HPGDS: variants seen among roughly 807,000 people sequenced by gnomAD.
The protein encoded by HPGDS is GST class-sigma.
In HPGDS, 26 loss-of-function variants were observed where a neutral mutation model predicts 23.1. That is an observed-to-expected ratio of 1.13 (90% confidence interval 0.83 to 1.56). HPGDS has a LOEUF of 1.56. Ranked by LOEUF, HPGDS falls within the 40% of genes most tolerant of loss-of-function variation. The pLI is 0.00. For missense variants in HPGDS, 268 were observed against 236.4 expected, an observed-to-expected ratio of 1.13 and a Z score of -0.88; for synonymous variants, 95 against 77.9, an observed-to-expected ratio of 1.22 and a Z score of -1.16.
intron 3 of HPGDS, among the ~76,000 whole-genome samples, chr4:94,313,671 T>C (rs368078262): frequency 1.3e-5 from 2 of 152,050 alleles, no homozygotes; most frequent in Admixed American, 6.6e-5. Flanking sequence ...TTTCCTGAAT[T>C]TGAATGTTGG....
chr4:94,324,933 A>G (rs1579443228), intron 2 of HPGDS, among the ~76,000 whole-genome samples: 1 of 152,036 alleles, frequency 6.6e-6, no homozygotes, highest in Admixed American at 6.5e-5. Flanking sequence ...TGACCTACAG[A>G]TTGGGTTTTG....
Position 94,302,153 on chromosome 4 carries a change from C to T in HPGDS, c.428G>A (p.Gly143Asp). Residue 143 changes from glycine (G) to aspartate (D), a missense_variant, in exon 5 of 6, where the codon GGT (glycine) becomes GAT (aspartate). Transcript: ENST00000295256. ...TYLGGREWLI[G>D]NSVTWADFYW... The stretch of plus-strand genomic sequence containing the variant: ...GATATAAAACATACTCACAGAGTTA[C>T]CAATAAGCCATTCTCTCCCCCCTAA... The T allele has an allele frequency of 1.2e-6, 2 of 1,601,708 alleles. No homozygotes were observed. The highest frequency in any genetic ancestry group is 1.7e-4 in the Middle Eastern group (1 of 6,032).
chr4:94,310,579 G>A (rs1343719196), intron 3 of HPGDS, among the ~76,000 whole-genome samples: 1 of 152,188 alleles, frequency 6.6e-6, no homozygotes, highest in Non-Finnish European at 1.5e-5. Flanking sequence ...GATGCTTCCA[G>A]CCTTGTTCTT....
intron 3 of HPGDS, among the ~76,000 whole-genome samples, chr4:94,315,436 A>C (rs1018322487): frequency 6.6e-6 from 1 of 152,202 alleles, no homozygotes; most frequent in Non-Finnish European, 1.5e-5. Flanking sequence ...AGTTTTTGTC[A>C]GGAGCATTTG....
intron 2 of HPGDS, 21 bp downstream of exon 2, chr4:94,334,476 T>A: frequency 1.3e-6 from 2 of 1,556,284 alleles, no homozygotes; most frequent in Non-Finnish European, 1.7e-6. Context: ...TTTTCCTACA[T>A]TTATTATTTT....
chr4:94,327,967 G>C (rs570311635), intron 2 of HPGDS, among the ~76,000 whole-genome samples: 9 of 152,192 alleles, frequency 5.9e-5, no homozygotes, highest in Non-Finnish European at 1.3e-4. Flanking sequence ...GTCTCAGGGG[G>C]TGTGTAGGAC....
At chr4:94,309,943 T>C (rs1216224461) in intron 3 of HPGDS, among the ~76,000 whole-genome samples, 1 of 152,234 alleles carries the variant, frequency 6.6e-6, no homozygotes, top group Non-Finnish European at 1.5e-5. Context: ...GAGAAGTGTC[T>C]GTTCATATCT....
intron 2 of HPGDS, among the ~76,000 whole-genome samples, chr4:94,320,210 T>G (rs1236440726): frequency 1.3e-5 from 2 of 152,188 alleles, no homozygotes; most frequent in African/African-American, 4.8e-5. Flanking sequence ...TTAATAGTGC[T>G]GCAATAAACA....
intron 2 of HPGDS, among the ~76,000 whole-genome samples, chr4:94,319,251 AC>A (rs1456797924): frequency 6.6e-6 from 1 of 152,166 alleles, no homozygotes; most frequent in Non-Finnish European, 1.5e-5. Flanking sequence ...TGCTGAATTG[AC>A]CACTTTATTA....
intron 1 of HPGDS, among the ~76,000 whole-genome samples, chr4:94,335,056 T>C (rs1720970988): frequency 1.3e-5 from 2 of 152,218 alleles, no homozygotes; most frequent in East Asian, 1.9e-4. Flanking sequence ...TCAGAGTTTA[T>C]GAGGACATCT....
chr4:94,340,315 T>TCTTTC (rs1560598052), intron 1 of HPGDS, among the ~76,000 whole-genome samples: 2 of 10,074 alleles, frequency 2.0e-4, no homozygotes, highest in African/African-American at 6.6e-4. Context: ...CTTTCTCTTT[T>TCTTTC]TTTTTTTTTT....
intron 4 of HPGDS, among the ~76,000 whole-genome samples, chr4:94,306,209 CAAGT>C (rs764652168): frequency 2.0e-5 from 3 of 151,984 alleles, no homozygotes; most frequent in Non-Finnish European, 1.5e-5. Context: ...AAACAACAAA[CAAGT>C]AATCACACAC....
intron 4 of HPGDS, among the ~76,000 whole-genome samples, chr4:94,307,580 T>A (rs1233738075): frequency 6.6e-6 from 1 of 152,020 alleles, no homozygotes; most frequent in African/African-American, 2.4e-5. Flanking sequence ...ATCACTGGAA[T>A]AACAGCAAAG....
At chr4:94,318,363 C>G (rs1430174477) in intron 2 of HPGDS, among the ~76,000 whole-genome samples, 1 of 152,104 alleles carries the variant, frequency 6.6e-6, no homozygotes, top group Non-Finnish European at 1.5e-5. Context: ...ATGGTAAGAA[C>G]TTAGCCATAG....
chr4:94,339,183 G>A (rs1196584008), intron 1 of HPGDS, among the ~76,000 whole-genome samples: 3 of 152,196 alleles, frequency 2.0e-5, no homozygotes, highest in African/African-American at 7.2e-5. Context: ...ATCTTGGTAT[G>A]ATTTGACTAG....
chr4:94,313,726 A>G (rs1476604559), intron 3 of HPGDS, among the ~76,000 whole-genome samples: 1 of 152,204 alleles, frequency 6.6e-6, no homozygotes, highest in Non-Finnish European at 1.5e-5. Context: ...AATATCCTGC[A>G]GAGTGTTTTC....
At chr4:94,305,387 C>CTA (rs1043006727) in intron 4 of HPGDS, among the ~76,000 whole-genome samples, 3 of 151,960 alleles carry the variant, frequency 2.0e-5, no homozygotes, top group Admixed American at 6.6e-5. Flanking sequence ...TGGGCAGACC[C>CTA]TACACACCTT....
At chr4:94,322,332 G>A (rs1054982789) in intron 2 of HPGDS, among the ~76,000 whole-genome samples, 5 of 152,160 alleles carry the variant, frequency 3.3e-5, no homozygotes, top group East Asian at 3.9e-4. Flanking sequence ...GTTTCAGAAG[G>A]AATGGTACCA....
At chr4:94,334,796 A>G (rs535740897) in intron 1 of HPGDS, among the ~76,000 whole-genome samples, 158 bp from the exon 2 acceptor site, 1 of 152,326 alleles carries the variant, frequency 6.6e-6, no homozygotes, top group South Asian at 2.1e-4. Flanking sequence ...CTATCTAATT[A>G]CATACGGGGA....
Sources: gnomAD v4.1 joint callset for allele counts (sites outside exome capture counted in the v4.1 genomes callset) on GRCh38, gnomAD v4.1.1 for gene constraint, MANE v1.5 for transcripts, NCBI Gene and HGNC (gene_info 2026-07-23, HGNC 2026-07-21) for gene names.